The following SLC67A1 variants were observed in gnomAD, a reference collection of about 807,000 sequenced individuals.
The protein encoded by SLC67A1 is solute carrier family 67 member 1.
At chr11:2,909,847 A>C in the SLC67A1 span, 2 of 998,094 alleles carry the variant, frequency 2.0e-6, no homozygotes, top group East Asian at 6.2e-5. Flanking sequence ...GCTACTGGGG[A>C]CGTCTGGCCC....
the SLC67A1 span, chr11:2,919,547 A>C: frequency 1.5e-6 from 1 of 651,306 alleles, no homozygotes; most frequent in South Asian, 1.9e-5. Flanking sequence ...TCCACAGGGA[A>C]CCAGGCATAC....
At chr11:2,911,675 C>T in the SLC67A1 span, among the ~76,000 whole-genome samples, 11 of 152,144 alleles carry the variant, frequency 7.2e-5, no homozygotes, top group Admixed American at 2.6e-4. Flanking sequence ...ATGGGCCCTC[C>T]CCTGCCCTTA....
the SLC67A1 span, chr11:2,908,445 A>C: frequency 5.6e-6 from 4 of 712,774 alleles, no homozygotes; most frequent in Non-Finnish European, 9.1e-6. Flanking sequence ...CCCTGGGATG[A>C]CGGCACTCCT....
chr11:2,914,922 C>A, the SLC67A1 span: 9 of 985,442 alleles, frequency 9.1e-6, no homozygotes, highest in Non-Finnish European at 1.1e-5. Flanking sequence ...GAGGGACAAG[C>A]TGTGGCGCCC....
At chr11:2,918,038 C>A in the SLC67A1 span, 1 of 1,613,596 alleles carries the variant, frequency 6.2e-7, no homozygotes, top group Non-Finnish European at 8.5e-7. Context: ...CTCCCTGCTG[C>A]GGCTGCCAGA....
the SLC67A1 span, chr11:2,909,200 G>A: frequency 3.9e-6 from 6 of 1,526,206 alleles, no homozygotes; most frequent in East Asian, 2.5e-5. Flanking sequence ...CCCCAGGTTC[G>A]CAGACCAGCG....
the SLC67A1 span, chr11:2,919,441 G>A: frequency 9.3e-5 from 138 of 1,480,734 alleles, 1 homozygote; most frequent in South Asian, 8.2e-4. Flanking sequence ...TGGGGGGCAC[G>A]GCAGGGGTCT....
chr11:2,902,586 C>T, the SLC67A1 span: 5 of 985,420 alleles, frequency 5.1e-6, no homozygotes, highest in African/African-American at 3.5e-5. Context: ...TTCGGTACCT[C>T]GGGGCTCAGA....
chr11:2,910,456 G>C, the SLC67A1 span, among the ~76,000 whole-genome samples: 1 of 152,168 alleles, frequency 6.6e-6, no homozygotes, highest in Non-Finnish European at 1.5e-5. Context: ...CATCTGAGTC[G>C]AGGCCTGAAG....
the SLC67A1 span, among the ~76,000 whole-genome samples, chr11:2,905,238 G>C: frequency 1.3e-5 from 2 of 152,168 alleles, no homozygotes; most frequent in South Asian, 4.1e-4. Flanking sequence ...CTGGAGGTCG[G>C]ATGAGCTGGG....
the SLC67A1 span, chr11:2,915,135 G>A: frequency 2.0e-6 from 2 of 985,240 alleles, no homozygotes; most frequent in Admixed American, 1.2e-4. Context: ...TGAGCTTAGG[G>A]GTCCCACCTC....
chr11:2,907,101 T>G, the SLC67A1 span, among the ~76,000 whole-genome samples: 1 of 150,616 alleles, frequency 6.6e-6, no homozygotes, highest in Admixed American at 6.6e-5. This position sits in a 1 kb window ranked among gnomAD's most constrained non-coding sequence, Gnocchi z 6.7. Flanking sequence ...ATGGGGGGGT[T>G]ACCGACTGCC....
the SLC67A1 span, chr11:2,917,025 T>TTAGGAGGGGAGGCCCAGACAGGGAAGGC: frequency 1.6e-5 from 7 of 429,880 alleles, no homozygotes; most frequent in South Asian, 1.1e-4. Context: ...ACAGGGAAGG[T>TTAGGAGGGGAGGCCCAGACAGGGAAGGC]GCTAGGAGGG....
chr11:2,909,271 G>A, the SLC67A1 span: 3 of 1,535,234 alleles, frequency 2.0e-6, no homozygotes, highest in African/African-American at 4.1e-5. Context: ...ACCTGCTCCT[G>A]GCGGCCGCCT....
the SLC67A1 span, chr11:2,903,507 G>A: frequency 2.2e-5 from 35 of 1,612,458 alleles, no homozygotes; most frequent in Middle Eastern, 1.7e-4. Context: ...ACACACCCCA[G>A]CCCCTGCAGC....
At chr11:2,903,186 G>C in the SLC67A1 span, 6 of 1,473,884 alleles carry the variant, frequency 4.1e-6, no homozygotes, top group Non-Finnish European at 5.4e-6. Flanking sequence ...CTGGGGAGGG[G>C]GTCCTGCAGT....
At chr11:2,905,360 G>A in the SLC67A1 span, among the ~76,000 whole-genome samples, 21 of 152,294 alleles carry the variant, frequency 1.4e-4, no homozygotes, top group Non-Finnish European at 2.6e-4. Context: ...CCAGTGGGAG[G>A]CCTGCCAAAG....
the SLC67A1 span, chr11:2,909,671 T>C: frequency 6.5e-7 from 1 of 1,541,520 alleles, no homozygotes; most frequent in Non-Finnish European, 8.7e-7. Context: ...GGAGTCATCC[T>C]CGGCTCCCTG....
chr11:2,908,149 C>T, the SLC67A1 span: 14 of 916,252 alleles, frequency 1.5e-5, no homozygotes, highest in Non-Finnish European at 2.5e-5. Flanking sequence ...GGTCCCCTCC[C>T]ACCCCCTGCC....
Sources: gnomAD v4.1 joint callset for allele counts (sites outside exome capture counted in the v4.1 genomes callset) on GRCh38, gnomAD v4.1.1 for gene constraint, Gnocchi (gnomAD v3.1) non-coding constraint, MANE v1.5 for transcripts, NCBI Gene and HGNC (gene_info 2026-07-23, HGNC 2026-07-21) for gene names.